The following LEPR variants were observed in gnomAD, a reference collection of about 807,000 sequenced individuals.
LEPR encodes the protein OB receptor.
In LEPR, 56 loss-of-function variants were observed where a neutral mutation model predicts 114.7. The ratio of observed to expected loss-of-function variants is 0.49; its 90% confidence interval spans 0.39 to 0.61. The LOEUF (loss-of-function observed/expected upper bound fraction) is 0.61. Among genes scored for constraint, LEPR ranks in the 20% least tolerant of loss-of-function variants. The probability of loss-of-function intolerance (pLI) is 0.00; values close to 1 mark genes in which losing one functional copy is unlikely to be tolerated. For synonymous variants in LEPR, 443 were observed against 461.4 expected (o/e 0.96, Z 0.51); for missense variants, 1,202 against 1,352.9 (o/e 0.89, Z 1.75).
chr1:65,467,659 C>T (rs1647032116), intron 2 of LEPR, among the ~76,000 whole-genome samples: 1 of 152,248 alleles, frequency 6.6e-6, no homozygotes, highest in Non-Finnish European at 1.5e-5. Flanking sequence ...TCTATAGAGG[C>T]AGTGAGCCTT....
chr1:65,543,581 C>G (rs777591583), intron 2 of LEPR, among the ~76,000 whole-genome samples: 3 of 151,972 alleles, frequency 2.0e-5, no homozygotes, highest in Non-Finnish European at 4.4e-5. Context: ...AGGTTTTCTT[C>G]TAGGGCTTTT....
intron 2 of LEPR, among the ~76,000 whole-genome samples, chr1:65,485,857 G>C: frequency 6.6e-6 from 1 of 152,112 alleles, no homozygotes; most frequent in East Asian, 1.9e-4. Flanking sequence ...TGAGGATGGG[G>C]AATGACGTAA....
intron 2 of LEPR, among the ~76,000 whole-genome samples, chr1:65,558,267 C>G (rs1652966256): frequency 6.6e-6 from 1 of 151,926 alleles, no homozygotes; most frequent in African/African-American, 2.4e-5. Flanking sequence ...TCTAGAAATC[C>G]TAAAGAACCA....
At chr1:65,425,229 C>T in intron 1 of LEPR, 74 bp from the exon 2 acceptor site, 1 of 1,290,900 alleles carries the variant, frequency 7.7e-7, no homozygotes, top group Non-Finnish European at 1.1e-6. Flanking sequence ...AAGTCACTCC[C>T]CATTTCCCCA....
At chr1:65,582,409 T>G (rs1249830505) in intron 5 of LEPR, among the ~76,000 whole-genome samples, 1 of 152,194 alleles carries the variant, frequency 6.6e-6, no homozygotes, top group Non-Finnish European at 1.5e-5. Context: ...TCATGGGATG[T>G]TGGACTGAGG....
At chr1:65,458,769 T>C (rs539538854) in intron 2 of LEPR, among the ~76,000 whole-genome samples, 1 of 152,346 alleles carries the variant, frequency 6.6e-6, no homozygotes, top group South Asian at 2.1e-4. Flanking sequence ...CCAATGTTTC[T>C]TTATTTTTTC....
In LEPR at chr1:65,640,609, AGCACACCT is replaced by A. The variant is rs969315474; in HGVS notation, c.*3598_*3605del. 1.9e-4 allele frequency: 29 copies of A among 152,334 alleles called. No homozygotes were observed. Among genetic ancestry groups the A allele is most frequent in the African/African-American group, 6.7e-4 (28 of 41,574 alleles). The allele number at this position is 152,334 out of a possible 1,614,324, so 9.4% of individuals were successfully genotyped here. On this transcript the variant is annotated 3_prime_UTR_variant, in exon 20 of 20. Transcript: ENST00000349533. Reference sequence around the variant, plus strand: ...TTTCTTAACCAGTTTAAAACAGTAAAGCACACCTGCATCTAATCACAATGTTAGGCGAA... The same window carrying A: ...TTTCTTAACCAGTTTAAAACAGTAAAGCATCTAATCACAATGTTAGGCGAA...
chr1:65,550,445 T>A (rs1570669858), intron 2 of LEPR, among the ~76,000 whole-genome samples: 1 of 152,220 alleles, frequency 6.6e-6, no homozygotes, highest in South Asian at 2.1e-4. Context: ...CAGGCAGGCC[T>A]CCTTGAGCTG....
At position 65,613,524 on chromosome 1, in the gene LEPR, C is replaced by T. The variant is rs1263054428; in HGVS notation, c.1996-2484C>T. Among the ~76,000 whole-genome samples, 4 of 138,084 alleles carry T rather than the reference C, an allele frequency of 2.9e-5. 1 individual carries two copies. Among genetic ancestry groups the T allele is most frequent in the Non-Finnish European group, 4.7e-5 (3 of 64,330 alleles). The allele number at this position is 138,084 out of a possible 152,430, so 90.6% of individuals were successfully genotyped here. On this transcript the variant is annotated intron_variant, in intron 14 of 19. Transcript: ENST00000349533. ...ATCCCAGCACTTTGGGAGGCCGAGG[C>T]GGGTGGATCACGAGGTCAGGAGATC... is the stretch of plus-strand genomic sequence containing the variant.
At chr1:65,453,239 T>A (rs1193080939) in intron 2 of LEPR, among the ~76,000 whole-genome samples, 1 of 152,050 alleles carries the variant, frequency 6.6e-6, no homozygotes. Flanking sequence ...AGCTCCTGGA[T>A]TCATTAATTT....
chr1:65,625,055 T>A (rs377200224), intron 19 of LEPR, among the ~76,000 whole-genome samples: 1 of 152,324 alleles, frequency 6.6e-6, no homozygotes, highest in African/African-American at 2.4e-5. Context: ...ATATTTTTTC[T>A]CTCATTTATC....
At chr1:65,426,388 T>C (rs559111549) in intron 2 of LEPR, among the ~76,000 whole-genome samples, 1 of 152,048 alleles carries the variant, frequency 6.6e-6, no homozygotes, top group African/African-American at 2.4e-5. Context: ...AGGTTCCATT[T>C]TATACATCAG....
chr1:65,631,005 G>T (rs1171777081), intron 19 of LEPR, among the ~76,000 whole-genome samples: 1 of 151,878 alleles, frequency 6.6e-6, no homozygotes, highest in East Asian at 1.9e-4. Flanking sequence ...CCTAATATCT[G>T]GTAATCCTTT....
chr1:65,488,210 T>TTCTTTCTTTCTTTCTTTCTC (rs1557620199), intron 2 of LEPR, among the ~76,000 whole-genome samples: 2 of 25,858 alleles, frequency 7.7e-5, no homozygotes, highest in African/African-American at 3.6e-4. Context: ...CTTTCTTTCT[T>TTCTTTCTTTCTTTCTTTCTC]TCTCTCTCTC....
At position 65,500,277 on chromosome 1, in the gene LEPR, A is replaced by AC. The variant is rs547070726; in HGVS notation, c.-20-65262dup. ...ACAGTGTGAAAACAGACTAATACAGACCCCCCCAACAAATAACATCTCCTT... is the reference window on the plus strand; with the variant it reads ...ACAGTGTGAAAACAGACTAATACAGACCCCCCCCAACAAATAACATCTCCTT... On this transcript the variant is annotated intron_variant, in intron 2 of 19. Transcript: ENST00000349533. 3.3e-4 allele frequency among the ~76,000 whole-genome samples: 50 copies of AC among 151,538 alleles called. No individual in the cohort carries two copies. The East Asian group carries it at 3.5e-3, about 11-fold the overall frequency.
At chr1:65,456,178 T>G (rs1202560125) in intron 2 of LEPR, among the ~76,000 whole-genome samples, 1 of 151,990 alleles carries the variant, frequency 6.6e-6, no homozygotes, top group East Asian at 2.0e-4. Flanking sequence ...CTGCGCCCAC[T>G]GTCTGGCACT....
At chr1:65,435,818 T>C in intron 2 of LEPR, 1 of 982,978 alleles carries the variant, frequency 1.0e-6, no homozygotes, top group Non-Finnish European at 1.2e-6. Flanking sequence ...TTGTGCATTT[T>C]AATTTAATTC....
At chr1:65,626,037 A>T in intron 19 of LEPR, 3 of 1,228,514 alleles carry the variant, frequency 2.4e-6, no homozygotes, top group South Asian at 2.6e-5. Context: ...GTGGTTTCTC[A>T]GTGTTCAGGA....
intron 2 of LEPR, among the ~76,000 whole-genome samples, chr1:65,463,113 GT>G (rs1214892546): frequency 6.6e-6 from 1 of 152,148 alleles, no homozygotes; most frequent in Non-Finnish European, 1.5e-5. Flanking sequence ...TTCTTCTAGG[GT>G]TTTTATGGTG....
Sources: gnomAD v4.1 joint callset for allele counts (sites outside exome capture counted in the v4.1 genomes callset) on GRCh38, gnomAD v4.1.1 for gene constraint, MANE v1.5 for transcripts, NCBI Gene and HGNC (gene_info 2026-07-23, HGNC 2026-07-21) for gene names.